Variants in LRRTM3 observed in about 807,000 individuals in gnomAD.
The protein encoded by LRRTM3 is leucine-rich repeat transmembrane neuronal protein 3.
LRRTM3 carries 24 observed loss-of-function variants against 44.7 expected under a neutral mutation model. That is an observed-to-expected ratio of 0.54 (90% CI 0.39 to 0.76). The LOEUF (loss-of-function observed/expected upper bound fraction) is 0.76. LRRTM3 is among the 30% of genes least tolerant of loss of function. LRRTM3 has a pLI of 0.00. For synonymous variants in LRRTM3, 277 were observed against 278.7 expected, an observed-to-expected ratio of 0.99 and a Z score of 0.06; for missense variants, 587 against 702.2, an observed-to-expected ratio of 0.84 and a Z score of 1.85.
At chr10:66,945,743 T>C (rs1848238531) in intron 2 of LRRTM3, among the ~76,000 whole-genome samples, 1 of 152,188 alleles carries the variant, frequency 6.6e-6, no homozygotes, top group Non-Finnish European at 1.5e-5. Flanking sequence ...GTGAGATAAA[T>C]GTGACTCTCT....
chr10:67,039,181 A>G (rs1377019072), intron 2 of LRRTM3, among the ~76,000 whole-genome samples: 1 of 152,134 alleles, frequency 6.6e-6, no homozygotes, highest in Non-Finnish European at 1.5e-5. Flanking sequence ...TTAACATTAT[A>G]ACCAAAATTA....
intron 2 of LRRTM3, among the ~76,000 whole-genome samples, chr10:67,012,554 C>A (rs1852404649): frequency 6.6e-6 from 1 of 152,082 alleles, no homozygotes; most frequent in Non-Finnish European, 1.5e-5. Context: ...CATCATTGTT[C>A]TTTTTCATCT....
rs78714947 is a variant in LRRTM3, at chr10:66,948,508, C to T, written c.1536+20056C>T. ...GTGACAACTGACCGATTCTTATTTT[C>T]AATGCTCTCAATTAAAGATCTACTT... On this transcript the variant is annotated intron_variant, in intron 2 of 2. Transcript: ENST00000361320. Among the ~76,000 whole-genome samples, 1,242 of 152,216 alleles carry T rather than the reference C, an allele frequency of 8.2e-3. 19 individuals are homozygous for T. Among genetic ancestry groups the T allele is most frequent in the African/African-American group, 0.028 (1,174 of 41,548 alleles).
chr10:66,941,515 C>A lies in LRRTM3; in HGVS notation c.1536+13063C>A, dbSNP rs139920981. Among the ~76,000 whole-genome samples, 1,025 of 152,190 alleles carry A rather than the reference C, an allele frequency of 6.7e-3. 14 individuals are homozygous for A. Among genetic ancestry groups the A allele is most frequent in the African/African-American group, 0.023 (965 of 41,530 alleles). ...GGAATCTTCACCTCTTTCCTTTCAA[C>A]TGTATGGAATTTGAATCTGACAAAC... On this transcript the variant is annotated intron_variant, in intron 2 of 2. Coordinates refer to ENST00000361320, the MANE Select transcript of LRRTM3 (RefSeq NM_178011.5).
At chr10:67,027,552 A>C (rs1444168235) in intron 2 of LRRTM3, among the ~76,000 whole-genome samples, 1 of 149,630 alleles carries the variant, frequency 6.7e-6, no homozygotes, top group African/African-American at 2.5e-5. Flanking sequence ...CTCCTGCCTC[A>C]GCCTTCCGAG....
intron 2 of LRRTM3, among the ~76,000 whole-genome samples, chr10:67,048,268 T>C (rs925684668): frequency 1.3e-5 from 2 of 152,040 alleles, no homozygotes; most frequent in Non-Finnish European, 2.9e-5. Context: ...CTGCCCACTT[T>C]CTAGCATATC....
chr10:66,930,097 A>G (rs1165356494), intron 2 of LRRTM3, among the ~76,000 whole-genome samples: 1 of 152,170 alleles, frequency 6.6e-6, no homozygotes, highest in Non-Finnish European at 1.5e-5. Flanking sequence ...TGCTGAGAGG[A>G]AAAATCTAGG....
rs375656251 is a variant in LRRTM3 at position 66,950,539 on chromosome 10, T to A, written c.1536+22087T>A. Among the ~76,000 whole-genome samples, 9 of 152,116 alleles carry A rather than the reference T, an allele frequency of 5.9e-5. 1 individual carries two copies. The highest frequency in any genetic ancestry group is 3.8e-4 in the East Asian group (2 of 5,198). ...TTCCCTATCTTTGTCAAAATATGTA[T>A]GATATTTGAGATTTAGTTCATATCA... On this transcript the variant is annotated intron_variant, in intron 2 of 2. Coordinates refer to ENST00000361320, the MANE Select transcript of LRRTM3 (RefSeq NM_178011.5).
At chr10:66,991,907 C>T (rs1851061795) in intron 2 of LRRTM3, among the ~76,000 whole-genome samples, 1 of 152,168 alleles carries the variant, frequency 6.6e-6, no homozygotes, top group South Asian at 2.1e-4. Flanking sequence ...AGAAGGCCAT[C>T]TATTCACCAC....
intron 2 of LRRTM3, among the ~76,000 whole-genome samples, chr10:66,968,346 T>TTA (rs961646168): frequency 4.8e-4 from 72 of 149,106 alleles, no homozygotes; most frequent in Admixed American, 1.2e-3. Context: ...TAAATAAATA[T>TTA]TATATATATA....
chr10:67,054,671 G>A (rs958561025), intron 2 of LRRTM3: 1 of 152,136 alleles, frequency 6.6e-6, no homozygotes, highest in African/African-American at 2.4e-5. Flanking sequence ...GTCACAAAGT[G>A]GGAGAGGCAC....
intron 2 of LRRTM3, among the ~76,000 whole-genome samples, chr10:66,945,204 G>A (rs1403199374): frequency 6.6e-6 from 1 of 152,174 alleles, no homozygotes; most frequent in Admixed American, 6.5e-5. Context: ...ATTATTTAGT[G>A]TAAGTTAAAG....
chr10:67,023,563 C>G (rs1853163352), intron 2 of LRRTM3, among the ~76,000 whole-genome samples: 1 of 152,102 alleles, frequency 6.6e-6, no homozygotes, highest in African/African-American at 2.4e-5. Flanking sequence ...CATACCCAAG[C>G]AAAGTCTAAT....
chr10:66,974,075 C>T (rs1416902772), intron 2 of LRRTM3, among the ~76,000 whole-genome samples: 1 of 152,136 alleles, frequency 6.6e-6, no homozygotes, highest in Non-Finnish European at 1.5e-5. Flanking sequence ...AAAAGTTGCC[C>T]TGAGTCTCTC....
At chr10:66,964,239 A>G (rs1849279137) in intron 2 of LRRTM3, among the ~76,000 whole-genome samples, 1 of 151,612 alleles carries the variant, frequency 6.6e-6, no homozygotes, top group Admixed American at 6.6e-5. Flanking sequence ...CTTTCCTTAG[A>G]CATTTAAAGT....
intron 2 of LRRTM3, among the ~76,000 whole-genome samples, chr10:66,951,225 C>A (rs1848524525): frequency 6.6e-6 from 1 of 151,884 alleles, no homozygotes; most frequent in Non-Finnish European, 1.5e-5. Flanking sequence ...AAGCGATTCT[C>A]CTGCCTCAGC....
At chr10:66,974,629 G>A (rs1476605050) in intron 2 of LRRTM3, among the ~76,000 whole-genome samples, 1 of 152,142 alleles carries the variant, frequency 6.6e-6, no homozygotes, top group African/African-American at 2.4e-5. Flanking sequence ...CATCAGTAAT[G>A]TATAAGAGTT....
intron 2 of LRRTM3, among the ~76,000 whole-genome samples, chr10:66,999,330 T>C (rs1283082832): frequency 6.6e-6 from 1 of 152,168 alleles, no homozygotes; most frequent in Non-Finnish European, 1.5e-5. Context: ...TCTGAAATTA[T>C]CATGGGCCTT....
At chr10:66,969,022 A>T (rs778014278) in intron 2 of LRRTM3, among the ~76,000 whole-genome samples, 1 of 151,876 alleles carries the variant, frequency 6.6e-6, no homozygotes, top group Admixed American at 6.6e-5. Context: ...ATCTCAAAAT[A>T]AATAAATAAA....
Sources: gnomAD v4.1 joint callset for allele counts (sites outside exome capture counted in the v4.1 genomes callset) on GRCh38, gnomAD v4.1.1 for gene constraint, MANE v1.5 for transcripts, NCBI Gene and HGNC (gene_info 2026-07-23, HGNC 2026-07-21) for gene names.